The following RNF111 variants were observed in gnomAD, a reference collection of about 807,000 sequenced individuals.
RNF111 encodes the protein E3 ubiquitin-protein ligase Arkadia.
A neutral mutation model predicts 95.1 loss-of-function variants in RNF111; 17 were observed. The observed-to-expected ratio is 0.18, with a 90% CI of 0.12 to 0.27. RNF111 has a LOEUF of 0.27. Ranked by LOEUF, RNF111 falls within the 10% of genes least tolerant of loss-of-function variation. The pLI, the probability that RNF111 is intolerant of heterozygous loss-of-function variation, is 1.00. For synonymous variants in RNF111, 440 were observed against 414.8 expected, an observed-to-expected ratio of 1.06 and a Z score of -0.74; for missense variants, 1,189 against 1,210.4, an observed-to-expected ratio of 0.98 and a Z score of 0.26.
intron 1 of RNF111, among the ~76,000 whole-genome samples, chr15:59,016,925 G>C (rs1271563651): frequency 3.3e-5 from 5 of 151,884 alleles, no homozygotes; most frequent in Non-Finnish European, 7.4e-5. Flanking sequence ...CTGCATGTGA[G>C]GGATCTAGGT....
chr15:58,997,233 C>T (rs1035925373), intron 1 of RNF111, among the ~76,000 whole-genome samples: 3 of 152,142 alleles, frequency 2.0e-5, no homozygotes, highest in Non-Finnish European at 4.4e-5. Flanking sequence ...TCTCTTTCCT[C>T]CTGTATTTTA....
chr15:59,073,261 G>T (rs189136161), intron 6 of RNF111, among the ~76,000 whole-genome samples: 1 of 151,990 alleles, frequency 6.6e-6, no homozygotes, highest in African/African-American at 2.4e-5. Flanking sequence ...GATCACTTGC[G>T]GTCAGCAGTT....
At chr15:59,090,308 C>T (rs1310258907) in intron 11 of RNF111, among the ~76,000 whole-genome samples, 1 of 152,184 alleles carries the variant, frequency 6.6e-6, no homozygotes, top group East Asian at 1.9e-4. Context: ...CAGCTCACTG[C>T]AACCTGCGCC....
intron 1 of RNF111, among the ~76,000 whole-genome samples, chr15:59,028,050 C>T (rs1274225929): frequency 2.6e-5 from 4 of 152,192 alleles, no homozygotes; most frequent in Non-Finnish European, 5.9e-5. Context: ...TGGCCTCGAA[C>T]TCCTGACCTC....
At chr15:59,016,378 C>T (rs569008268) in intron 1 of RNF111, among the ~76,000 whole-genome samples, 1 of 152,072 alleles carries the variant, frequency 6.6e-6, no homozygotes, top group East Asian at 1.9e-4. Flanking sequence ...CCATGTTGGC[C>T]AGGATGGTCT....
At chr15:58,999,501 A>G (rs1191019152) in intron 1 of RNF111, among the ~76,000 whole-genome samples, 2 of 151,768 alleles carry the variant, frequency 1.3e-5, no homozygotes, top group East Asian at 1.9e-4. Context: ...ACACCCGGCT[A>G]ATTTTTGTAT....
intron 1 of RNF111, among the ~76,000 whole-genome samples, chr15:59,014,445 T>G (rs1167939980): frequency 6.6e-6 from 1 of 152,224 alleles, no homozygotes; most frequent in African/African-American, 2.4e-5. Flanking sequence ...TAGTGAAGGG[T>G]AAAAATACCT....
intron 2 of RNF111, chr15:59,049,647 C>T: frequency 6.3e-6 from 1 of 158,082 alleles, no homozygotes; most frequent in Non-Finnish European, 1.4e-5. Flanking sequence ...ACAGCATTGC[C>T]AACAGCATGC....
At chr15:59,051,627 G>C (rs1042482462) in intron 2 of RNF111, among the ~76,000 whole-genome samples, 1 of 151,718 alleles carries the variant, frequency 6.6e-6, no homozygotes, top group Non-Finnish European at 1.5e-5. Flanking sequence ...AAATTAGCCT[G>C]GTGTGGTGGT....
chr15:58,991,691 A>G (rs2038825489), intron 1 of RNF111, among the ~76,000 whole-genome samples: 1 of 152,262 alleles, frequency 6.6e-6, no homozygotes, highest in Admixed American at 6.5e-5. Context: ...CAAATGCATT[A>G]GGTGAGGTTT....
Position 59,085,791 on chromosome 15 carries a change from A to T in RNF111, c.2550+6A>T. Reference sequence around the variant, plus strand: ...TAGGAGCTCTTCCTTTAATGGTAAAATGGAAAATTTTCAAAATTTTGACAT... The same window carrying T: ...TAGGAGCTCTTCCTTTAATGGTAAATTGGAAAATTTTCAAAATTTTGACAT... On this transcript the variant is annotated splice_donor_region_variant and intron_variant, in intron 10 of 13. Coordinates refer to ENST00000348370, the MANE Select transcript of RNF111 (RefSeq NM_017610.8). 2 of 1,610,278 alleles carry T rather than the reference A, an allele frequency of 1.2e-6. No individual in the cohort carries two copies.
chr15:59,031,352 A>C lies in RNF111; in HGVS notation c.530A>C (p.His177Pro), dbSNP rs1404224941. ...QTILNAKSRS[H>P]SARSHKWPRT... ...ATTTTGAATGCTAAAAGTAGAAGCC[A>C]TAGTGCACGGTCTCATAAGTGGCCT... The change falls in exon 2 of 14, where the codon CAT becomes CCT. Residue 177 changes from histidine (H) to proline (P), a missense_variant. Around this residue, in one of 2 missense-constraint regions of RNF111, gnomAD observed 1,024 missense variants for 925.9 expected, o/e 1.11. Coordinates refer to ENST00000348370, the MANE Select transcript of RNF111 (RefSeq NM_017610.8). 1.9e-6 allele frequency: 3 copies of C among 1,614,198 alleles called. No individual in the cohort carries two copies. The Admixed American group carries it at 5.0e-5, about 27-fold the overall frequency.
chr15:59,086,128 T>A (rs1428912866), intron 10 of RNF111, among the ~76,000 whole-genome samples: 2 of 152,120 alleles, frequency 1.3e-5, no homozygotes, highest in Non-Finnish European at 2.9e-5. Context: ...TTTTCTTTTT[T>A]CTTTTTTTTT....
intron 1 of RNF111, among the ~76,000 whole-genome samples, chr15:59,029,928 A>G (rs1418486981): frequency 6.6e-6 from 1 of 152,246 alleles, no homozygotes; most frequent in Non-Finnish European, 1.5e-5. Flanking sequence ...GTTTTGCACT[A>G]GTAAAGCTCT....
chr15:59,025,448 T>C (rs1267005489), intron 1 of RNF111, among the ~76,000 whole-genome samples: 1 of 152,180 alleles, frequency 6.6e-6, no homozygotes, highest in Non-Finnish European at 1.5e-5. Flanking sequence ...TAACAAAGCA[T>C]ATTGTCTGTA....
chr15:58,996,980 A>G (rs1483508868), intron 1 of RNF111, among the ~76,000 whole-genome samples: 2 of 152,112 alleles, frequency 1.3e-5, no homozygotes, highest in Non-Finnish European at 2.9e-5. Context: ...CTTTATATTT[A>G]TAAGTAGTAT....
chr15:59,008,824 C>T (rs1426782513), intron 1 of RNF111, among the ~76,000 whole-genome samples: 3 of 152,126 alleles, frequency 2.0e-5, no homozygotes, highest in African/African-American at 4.8e-5. Context: ...TTAGGGTTTA[C>T]ACTATGCATC....
Position 59,031,606 on chromosome 15 carries a change from A to G in RNF111, c.784A>G (p.Ser262Gly). The change falls in exon 2 of 14, where the codon AGC becomes GGC. Residue 262 changes from serine to glycine, a missense_variant. Physicochemically the swap from Ser to Gly is moderately conservative, Grantham distance 56. Coordinates refer to ENST00000348370, the MANE Select transcript of RNF111 (RefSeq NM_017610.8). ...TAGTAGTTCCAGTGAGAATGACCTC[A>G]GCAGTGAATCCTCTTCTAGCTCATC... ...SSSSSSENDL[S>G]SESSSSSSTE... 6.2e-7 allele frequency: 1 copy of G among 1,614,214 alleles called. No individual in the cohort carries two copies. The highest frequency in any genetic ancestry group is 1.3e-5 in the African/African-American group (1 of 75,052).
At chr15:58,993,280 G>A (rs1258574473) in intron 1 of RNF111, among the ~76,000 whole-genome samples, 4 of 151,700 alleles carry the variant, frequency 2.6e-5, no homozygotes, top group African/African-American at 7.3e-5. Context: ...AGGCCAAGGC[G>A]AGTGGATCAC....
Sources: gnomAD v4.1 joint callset for allele counts (sites outside exome capture counted in the v4.1 genomes callset) on GRCh38, gnomAD v4.1.1 for gene constraint, gnomAD v4.1.1 regional missense constraint, MANE v1.5 for transcripts, NCBI Gene and HGNC (gene_info 2026-07-23, HGNC 2026-07-21) for gene names.